ARHGEF4: variants seen among roughly 807,000 people sequenced by gnomAD.
ARHGEF4 encodes APC-stimulated guanine nucleotide exchange factor 1.
Under a neutral mutation model 162.0 loss-of-function variants are expected in ARHGEF4, and 119 were observed. That is an observed-to-expected ratio of 0.73 (90% CI 0.63 to 0.86). The LOEUF is 0.86. Among genes scored for constraint, ARHGEF4 ranks in the 40% least tolerant of loss-of-function variants. ARHGEF4 has a pLI of 0.00. For missense variants in ARHGEF4, 2,488 were observed against 2,456.0 expected (o/e 1.01, Z -0.28); for synonymous variants, 1,014 against 979.9 (o/e 1.03, Z -0.65).
At chr2:131,017,441 G>A (rs1688842139) in intron 4 of ARHGEF4, among the ~76,000 whole-genome samples, 1 of 152,158 alleles carries the variant, frequency 6.6e-6, no homozygotes, top group African/African-American at 2.4e-5. Context: ...GAGCTGGAAT[G>A]TAAAATGATG....
intron 13 of ARHGEF4, chr2:131,045,760 A>C: frequency 7.0e-7 from 1 of 1,426,700 alleles, no homozygotes. Flanking sequence ...TGCTTTCCCC[A>C]TTTCTACAGA....
At chr2:130,910,142 C>T (rs909441601) in intron 1 of ARHGEF4, among the ~76,000 whole-genome samples, 3 of 151,896 alleles carry the variant, frequency 2.0e-5, no homozygotes, top group East Asian at 3.9e-4. Context: ...CACCATGGTA[C>T]GTAATTACCT....
intron 1 of ARHGEF4, among the ~76,000 whole-genome samples, chr2:130,901,663 GGCGC>G (rs1680497725): frequency 1.3e-5 from 2 of 152,100 alleles, no homozygotes; most frequent in Non-Finnish European, 1.5e-5. Flanking sequence ...TGGGACTACA[GGCGC>G]CTGCCACCAC....
chr2:130,939,394 T>C (rs932349082), intron 3 of ARHGEF4, among the ~76,000 whole-genome samples: 2 of 152,212 alleles, frequency 1.3e-5, no homozygotes, highest in African/African-American at 4.8e-5. Context: ...CAGAAATCAG[T>C]TGGATATACT....
intron 4 of ARHGEF4, among the ~76,000 whole-genome samples, chr2:130,952,407 G>A (rs928962091): frequency 1.3e-5 from 2 of 151,984 alleles, no homozygotes; most frequent in South Asian, 2.1e-4. Context: ...TTGATGGAAC[G>A]TATCACAAAA....
At chr2:130,882,201 A>G (rs886624072) in intron 1 of ARHGEF4, among the ~76,000 whole-genome samples, 6 of 152,114 alleles carry the variant, frequency 3.9e-5, no homozygotes, top group African/African-American at 1.5e-4. Context: ...CAGGTCCTGG[A>G]CAGAGAGGAA....
chr2:130,856,399 A>C (rs1490361074), intron 1 of ARHGEF4, among the ~76,000 whole-genome samples: 1 of 152,210 alleles, frequency 6.6e-6, no homozygotes, highest in East Asian at 1.9e-4. Context: ...ATAAAAGGAG[A>C]GGAGAAGGTA....
intron 4 of ARHGEF4, among the ~76,000 whole-genome samples, chr2:131,008,526 A>T (rs1452847707): frequency 6.6e-6 from 1 of 152,154 alleles, no homozygotes; most frequent in African/African-American, 2.4e-5. Context: ...ATTAACTTTT[A>T]ATGTGATTAT....
intron 3 of ARHGEF4, among the ~76,000 whole-genome samples, chr2:130,939,524 G>C (rs1158250169): frequency 6.6e-6 from 1 of 152,060 alleles, no homozygotes; most frequent in Non-Finnish European, 1.5e-5. Context: ...ATTAGATGGA[G>C]TCCTTCCACT....
intron 1 of ARHGEF4, among the ~76,000 whole-genome samples, chr2:130,897,218 A>T (rs919178226): frequency 2.0e-5 from 3 of 152,190 alleles, no homozygotes; most frequent in African/African-American, 7.2e-5. Context: ...ACCTCCCATG[A>T]AACAAAGGAC....
Position 130,836,972 on chromosome 2 carries a change from T to G in ARHGEF4, c.19T>G (p.Phe7Val), listed in dbSNP as rs1680237833. The change falls in exon 1 of 14, where the codon TTC (phenylalanine) becomes GTC (valine). Residue 7 changes from phenylalanine (F) to valine (V), a missense_variant. Physicochemically the swap from Phe to Val is conservative, Grantham distance 50. Around this residue, in one of 6 missense-constraint regions of ARHGEF4, gnomAD observed 171 missense variants for 169.4 expected, o/e 1.01. Coordinates refer to ENST00000409359, the MANE Select transcript of ARHGEF4 (RefSeq NM_001367493.1). The part of the protein sequence containing the change: MLSVVH[F>V]LRSFFKTPEP... ...GGCCACCATGCTCAGCGTCGTGCAC[T>G]TCCTCCGGAGCTTCTTCAAGGTGAG... 2 of 1,226,448 alleles carry G rather than the reference T, an allele frequency of 1.6e-6. No individual in the cohort carries two copies. Among genetic ancestry groups the G allele is most frequent in the South Asian group, 8.2e-5 (2 of 24,282 alleles). 76.0% of individuals were successfully genotyped at this position (1,226,448 alleles called of 1,614,324 possible). A position where few individuals can be genotyped will look rare whatever the true frequency, so the allele number is the denominator to read the frequency against.
intron 1 of ARHGEF4, among the ~76,000 whole-genome samples, chr2:130,889,601 G>T (rs1199867577): frequency 6.6e-6 from 1 of 151,496 alleles, no homozygotes; most frequent in African/African-American, 2.4e-5. Context: ...TCATGAGGTT[G>T]TGAGTTCGAG....
intron 4 of ARHGEF4, among the ~76,000 whole-genome samples, chr2:130,957,547 T>C (rs1415435163): frequency 6.6e-6 from 1 of 152,186 alleles, no homozygotes; most frequent in Non-Finnish European, 1.5e-5. Context: ...ATTGTAATGA[T>C]TGTTGATAAC....
chr2:130,954,447 T>C (rs2105170863), intron 4 of ARHGEF4, among the ~76,000 whole-genome samples: 1 of 152,274 alleles, frequency 6.6e-6, no homozygotes, highest in Middle Eastern at 3.4e-3. Flanking sequence ...ATACCTAATG[T>C]AAATGATGAG....
intron 1 of ARHGEF4, among the ~76,000 whole-genome samples, chr2:130,892,570 A>G (rs767087715): frequency 2.0e-5 from 3 of 152,198 alleles, no homozygotes; most frequent in Non-Finnish European, 4.4e-5. Flanking sequence ...AGTGTAAAAC[A>G]AAGGTCACTG....
At chr2:130,958,302 A>G (rs1276731522) in intron 4 of ARHGEF4, among the ~76,000 whole-genome samples, 1 of 152,038 alleles carries the variant, frequency 6.6e-6, no homozygotes, top group East Asian at 1.9e-4. Context: ...GGGAGAGGGG[A>G]ATGATCTTGG....
At chr2:130,919,341 A>G (rs1345446962) in intron 2 of ARHGEF4, among the ~76,000 whole-genome samples, 1 of 152,176 alleles carries the variant, frequency 6.6e-6, no homozygotes, top group Non-Finnish European at 1.5e-5. Flanking sequence ...GGGGTATTTT[A>G]ATAGCTTTCA....
chr2:131,044,466 G>A lies in ARHGEF4; in HGVS notation c.5325G>A (p.Arg1775=), dbSNP rs769523560. The A allele has an allele frequency of 1.2e-4, 181 of 1,554,844 alleles. No homozygotes were observed. The highest frequency in any genetic ancestry group is 1.5e-4 in the Non-Finnish European group (176 of 1,149,182). ...ATGDSHLLCT[R]KPEQKQRWLK... ...GGGACAGCCACCTGCTGTGCACCAG[G>A]AAGCCCGAGCAGAAGCAGCGCTGGC... The change falls in exon 12 of 14, where the codon AGG becomes AGA. Residue 1775 remains arginine, a synonymous_variant. Transcript: ENST00000409359.
intron 9 of ARHGEF4, 46 bp from the exon 10 acceptor site, chr2:131,041,767 TTC>T: frequency 7.5e-6 from 12 of 1,597,638 alleles, no homozygotes; most frequent in Non-Finnish European, 1.0e-5. Flanking sequence ...TCCTCACCCT[TTC>T]TCTGTCTCCA....
Sources: allele counts gnomAD v4.1 joint callset (sites outside exome capture counted in the v4.1 genomes callset), GRCh38; gene constraint gnomAD v4.1.1; regional missense constraint gnomAD v4.1.1; transcripts MANE v1.5; gene names NCBI Gene and HGNC (gene_info 2026-07-23, HGNC 2026-07-21).